EIF2AK4: variants seen among roughly 807,000 people sequenced by gnomAD.
The protein encoded by EIF2AK4 is eIF-2-alpha kinase GCN2.
EIF2AK4 carries 139 observed loss-of-function variants against 211.1 expected under a neutral mutation model. The ratio of observed to expected loss-of-function variants is 0.66; its 90% CI spans 0.57 to 0.76. EIF2AK4 has a LOEUF of 0.76. Among genes scored for constraint, EIF2AK4 ranks in the 30% least tolerant of loss-of-function variants. The pLI is 0.00. For synonymous variants in EIF2AK4, 710 were observed against 751.3 expected (o/e 0.94, Z 0.90); for missense variants, 1,664 against 2,043.8 (o/e 0.81, Z 3.58).
intron 9 of EIF2AK4, among the ~76,000 whole-genome samples, chr15:39,969,554 G>A (rs143862337): frequency 0.012 from 1,858 of 151,968 alleles, 67 homozygotes; most frequent in Admixed American, 0.055. Context: ...TAGAGACAGG[G>A]TTTCACCATG....
Position 40,001,137 on chromosome 15 carries a change from G to A in EIF2AK4, c.3072G>A (p.Gly1024=), listed in dbSNP as rs2035084206. ...ACCACACGCTGACCAACGTGGATGG[G>A]AAGGCCTACCGCACCATGATGGCCC... is the stretch of plus-strand genomic sequence containing the variant. The part of the protein sequence containing the change: ...VLHHTLTNVD[G]KAYRTMMAQI... Residue 1024 remains glycine, a synonymous_variant, in exon 21 of 39, where the codon GGG becomes GGA. Transcript: ENST00000263791. 2 of 1,614,036 alleles carry A rather than the reference G, an allele frequency of 1.2e-6. No homozygotes were observed. The highest frequency in any genetic ancestry group is 1.7e-6 in the Non-Finnish European group (2 of 1,180,026).
chr15:40,025,828 A>G (rs1164317170), intron 32 of EIF2AK4, 149 bp from the exon 33 acceptor site: 3 of 661,970 alleles, frequency 4.5e-6, no homozygotes, highest in Non-Finnish European at 7.6e-6. Context: ...GTCACCAGAC[A>G]TTGCTAAATG....
intron 34 of EIF2AK4, 35 bp from the exon 35 acceptor site, chr15:40,030,324 T>C (rs1156790726): frequency 6.2e-7 from 1 of 1,601,594 alleles, no homozygotes; most frequent in South Asian, 1.1e-5. Flanking sequence ...TGGGACCAGA[T>C]AAGGCCATAA....
At chr15:39,952,037 C>T (rs554991201) in intron 4 of EIF2AK4, among the ~76,000 whole-genome samples, 3 of 152,194 alleles carry the variant, frequency 2.0e-5, no homozygotes, top group South Asian at 2.1e-4. Flanking sequence ...AATCCTACCC[C>T]TCCCCATCCC....
chr15:39,941,426 T>TA (rs1333379202), intron 2 of EIF2AK4, among the ~76,000 whole-genome samples: 1 of 152,112 alleles, frequency 6.6e-6, no homozygotes, highest in African/African-American at 2.4e-5. Context: ...CCCCTGTTGC[T>TA]CAGGAAATTC....
chr15:40,023,847 T>TTTATTCTTTTTAGTTTA (rs1393335384), intron 32 of EIF2AK4, among the ~76,000 whole-genome samples: 3 of 152,250 alleles, frequency 2.0e-5, no homozygotes, highest in African/African-American at 2.4e-5. Context: ...CTTTTTTTAG[T>TTTATTCTTTTTAGTTTA]TTCTTCAGGT....
intron 27 of EIF2AK4, among the ~76,000 whole-genome samples, chr15:40,014,783 T>A (rs1393915280): frequency 2.0e-5 from 3 of 152,228 alleles, no homozygotes; most frequent in Non-Finnish European, 4.4e-5. Flanking sequence ...CTTTCCTGTC[T>A]CATTGTCAGG....
chr15:39,969,132 T>G (rs2034585767), intron 9 of EIF2AK4, among the ~76,000 whole-genome samples: 1 of 152,074 alleles, frequency 6.6e-6, no homozygotes, highest in African/African-American at 2.4e-5. Flanking sequence ...AAATGTCACC[T>G]TTAGTGTTCT....
chr15:39,973,235 T>C (rs1452780555), intron 10 of EIF2AK4, among the ~76,000 whole-genome samples: 1 of 152,326 alleles, frequency 6.6e-6, no homozygotes, highest in East Asian at 1.9e-4. Context: ...CTGTAGTCTC[T>C]TGTAGTGTTT....
chr15:39,975,907 A>G (rs1286356303), intron 11 of EIF2AK4, among the ~76,000 whole-genome samples: 1 of 152,216 alleles, frequency 6.6e-6, no homozygotes, highest in East Asian at 1.9e-4. Context: ...CAAGGAAATT[A>G]AGTAATTTTC....
intron 6 of EIF2AK4, among the ~76,000 whole-genome samples, chr15:39,956,134 T>A (rs2034389144): frequency 6.6e-6 from 1 of 151,632 alleles, no homozygotes; most frequent in Non-Finnish European, 1.5e-5. Context: ...GCCTCCCAAG[T>A]AGCTGGGACT....
intron 6 of EIF2AK4, among the ~76,000 whole-genome samples, chr15:39,960,607 G>A (rs759363665): frequency 1.3e-5 from 2 of 152,158 alleles, no homozygotes; most frequent in Non-Finnish European, 2.9e-5. Context: ...ATGTGACTAT[G>A]AGGAACAGGA....
In EIF2AK4 at chr15:39,965,671, C is replaced by G; in HGVS notation, c.860-15C>G. 1 of 1,612,674 alleles carries G rather than the reference C, an allele frequency of 6.2e-7. No individual in the cohort carries two copies. The highest frequency in any genetic ancestry group is 1.3e-5 in the African/African-American group (1 of 74,928). ...TACCAGTGGGATTTAATTACACTTT[C>G]TGTTTAATGTGCAGGCAGTGATGAA... On this transcript the variant is annotated splice_polypyrimidine_tract_variant and intron_variant, in intron 7 of 38. Coordinates refer to ENST00000263791, the MANE Select transcript of EIF2AK4 (RefSeq NM_001013703.4).
At chr15:40,034,551 G>T in intron 38 of EIF2AK4, 107 bp downstream of exon 38, 1 of 818,908 alleles carries the variant, frequency 1.2e-6, no homozygotes, top group Non-Finnish European at 2.0e-6. Context: ...CGCCTGGTAA[G>T]CTGTTCTTAG....
chr15:40,012,024 T>A (rs1038989347), intron 27 of EIF2AK4, among the ~76,000 whole-genome samples: 17 of 152,156 alleles, frequency 1.1e-4, no homozygotes, highest in Non-Finnish European at 1.3e-4. Flanking sequence ...AGTTTTTTTT[T>A]AATTTCCCGG....
intron 32 of EIF2AK4, among the ~76,000 whole-genome samples, chr15:40,023,164 C>T (rs769830472): frequency 3.3e-5 from 5 of 152,114 alleles, no homozygotes; most frequent in African/African-American, 4.8e-5. Context: ...TCTCTTTTTC[C>T]AGCTAAGAAA....
At chr15:39,992,689 G>A (rs946644263) in intron 17 of EIF2AK4, 80 bp from the exon 18 acceptor site, 1 of 1,291,848 alleles carries the variant, frequency 7.7e-7, no homozygotes, top group African/African-American at 1.5e-5. Context: ...TCACTTTTAA[G>A]AAACCTTTTT....
chr15:39,948,124 T>C (rs2034254993), intron 3 of EIF2AK4, among the ~76,000 whole-genome samples: 1 of 152,196 alleles, frequency 6.6e-6, no homozygotes. Context: ...TGCATTAACA[T>C]CACCCAGCAA....
chr15:40,009,702 A>T lies in EIF2AK4; in HGVS notation c.3665A>T (p.Gln1222Leu). The change falls in exon 26 of 39, where the codon CAA becomes CTA. Residue 1222 changes from glutamine to leucine, a missense_variant. By Grantham distance (113) the Gln-to-Leu change is moderately radical (BLOSUM62 -2). This residue lies in a region of EIF2AK4 where 622 missense variants were observed against 796.8 expected (regional missense o/e 0.78). Coordinates refer to ENST00000263791, the MANE Select transcript of EIF2AK4 (RefSeq NM_001013703.4). ...GGGATCCCAGAAGATAAACTCAGTC[A>T]AGTCTACATTATTCTGTATGATGCT... is the stretch of plus-strand genomic sequence containing the variant. ...HCGIPEDKLS[Q>L]VYIILYDAVT... is the part of the protein sequence containing the mutation. 1 of 1,606,966 alleles carries T rather than the reference A, an allele frequency of 6.2e-7. No individual in the cohort carries two copies. Among genetic ancestry groups the T allele is most frequent in the East Asian group, 2.2e-5 (1 of 44,696 alleles).
Sources: gnomAD v4.1 joint callset for allele counts (sites outside exome capture counted in the v4.1 genomes callset) on GRCh38, gnomAD v4.1.1 for gene constraint, gnomAD v4.1.1 regional missense constraint, MANE v1.5 for transcripts, NCBI Gene and HGNC (gene_info 2026-07-23, HGNC 2026-07-21) for gene names.